RUNX3: variants seen among roughly 807,000 people sequenced by gnomAD.
RUNX3 encodes RUNX family transcription factor 3.
In RUNX3, 10 loss-of-function variants were observed where a neutral mutation model predicts 27.7. That is an observed-to-expected ratio of 0.36 (90% CI 0.22 to 0.61). The LOEUF is 0.61. Among genes scored for constraint, RUNX3 ranks in the 20% least tolerant of loss-of-function variants. The pLI, the probability that RUNX3 is intolerant of heterozygous loss-of-function variation, is 0.72. For missense variants in RUNX3, 469 were observed against 629.5 expected (o/e 0.75, Z 2.73); for synonymous variants, 270 against 269.2 (o/e 1.00, Z -0.03).
intron 2 of RUNX3, among the ~76,000 whole-genome samples, chr1:24,954,554 A>G (rs1641864524): frequency 6.6e-6 from 1 of 152,080 alleles, no homozygotes; most frequent in South Asian, 2.1e-4. Context: ...TGAAATTCTT[A>G]CTGATTTTTG....
In RUNX3 at chr1:24,907,891, G is replaced by A. The variant is rs562041474; in HGVS notation, c.545-474C>T. ...TGTGATGTAAACCTCTACAACACGC[G>A]GTGATCTAAACCTCTACAACACACT... On this transcript the variant is annotated intron_variant, in intron 3 of 4. Coordinates refer to ENST00000308873, the MANE Select transcript of RUNX3 (RefSeq NM_004350.3). Among the ~76,000 whole-genome samples, 13 of 150,246 alleles carry A rather than the reference G, an allele frequency of 8.7e-5. 1 individual carries two copies. In the South Asian group the frequency reaches 1.7e-3, roughly 20 times the overall value.
At chr1:24,953,747 G>A (rs975741042) in intron 2 of RUNX3, among the ~76,000 whole-genome samples, 1 of 152,118 alleles carries the variant, frequency 6.6e-6, no homozygotes, top group African/African-American at 2.4e-5. Flanking sequence ...ACTTTTTTAG[G>A]GCCAACATGG....
At chr1:24,957,799 A>G (rs1430789036) in intron 2 of RUNX3, among the ~76,000 whole-genome samples, 2 of 152,214 alleles carry the variant, frequency 1.3e-5, no homozygotes, top group Admixed American at 6.5e-5. Flanking sequence ...TCCATTTTAC[A>G]GGTAAGAAAA....
chr1:24,921,055 G>A (rs889511786), intron 2 of RUNX3, among the ~76,000 whole-genome samples: 7 of 152,230 alleles, frequency 4.6e-5, no homozygotes, highest in East Asian at 1.9e-4. Context: ...CAATGGTCTC[G>A]CACTCTCACC....
At chr1:24,905,119 TAAC>T (rs1330335590) in intron 4 of RUNX3, among the ~76,000 whole-genome samples, 2 of 151,960 alleles carry the variant, frequency 1.3e-5, no homozygotes, top group African/African-American at 4.8e-5. Flanking sequence ...TCAAAGCACT[TAAC>T]AGGCACCGAG....
chr1:24,964,819 T>A, intron 1 of RUNX3: 2 of 1,004,230 alleles, frequency 2.0e-6, no homozygotes, highest in Non-Finnish European at 2.8e-6. Context: ...CCAAGGAAAG[T>A]AAGTTTCTGT....
chr1:24,922,537 T>C (rs1247514051), intron 2 of RUNX3, among the ~76,000 whole-genome samples: 2 of 152,150 alleles, frequency 1.3e-5, no homozygotes, highest in African/African-American at 2.4e-5. Context: ...TTGCTGCAGA[T>C]TGCTCTAAAT....
rs936319869 is a variant in RUNX3, at chr1:24,904,723, C to G, written c.704-2057G>C. Among the ~76,000 whole-genome samples the G allele has an allele frequency of 4.6e-5, 7 of 152,100 alleles. No homozygotes were observed. Among genetic ancestry groups the G allele is most frequent in the Admixed American group, 1.3e-4 (2 of 15,282 alleles). On this transcript the variant is annotated intron_variant, in intron 4 of 4. Transcript: ENST00000308873. The surrounding 1 kb of genome is among the most constrained non-coding windows in gnomAD (Gnocchi z 5.7). ...CTCACGCGGGCTGCAGGGCGCTGGG[C>G]TGGGCCTCCCTGGACCTGCCACCAT...
intron 2 of RUNX3, among the ~76,000 whole-genome samples, chr1:24,926,711 AG>A (rs1268909572): frequency 3.9e-5 from 6 of 152,168 alleles, no homozygotes; most frequent in Non-Finnish European, 8.8e-5. Context: ...TGGGGAGCAG[AG>A]GGAACCCAGC....
rs374576964 is a variant in RUNX3 at position 24,902,827 on chromosome 1, C to G, written c.704-161G>C. 1.1e-3 allele frequency among the ~76,000 whole-genome samples: 172 copies of G among 152,266 alleles called. No individual in the cohort carries two copies. Among genetic ancestry groups the G allele is most frequent in the Non-Finnish European group, 1.2e-3 (84 of 68,002 alleles). ...GCCCTAGGCTGCCCGGGGCCTCCCC[C>G]GCCAGGACTCCGAACACAGACCTGC... is the stretch of plus-strand genomic sequence containing the variant. On this transcript the variant is annotated intron_variant, in intron 4 of 4. Coordinates refer to ENST00000308873, the MANE Select transcript of RUNX3 (RefSeq NM_004350.3). This position sits in a 1 kb window ranked among gnomAD's most constrained non-coding sequence, Gnocchi z 9.2.
rs926240296 is a variant in RUNX3 at position 24,902,390 on chromosome 1, G to A, written c.980C>T (p.Pro327Leu). 28 of 1,612,576 alleles carry A rather than the reference G, an allele frequency of 1.7e-5. No individual in the cohort carries two copies. Among genetic ancestry groups the A allele is most frequent in the African/African-American group, 2.7e-5 (2 of 74,934 alleles). ...QNQSGPFQAN[P>L]SPYHLYYGTS... ...CCCGTAGTAGAGGTGGTAGGGGGAC[G>A]GGTTGGCCTGGAAGGGCCCGCTCTG... Residue 327 changes from proline to leucine, a missense_variant, in exon 5 of 5, where the codon CCG (proline) becomes CTG (leucine). Physicochemically the swap from Pro to Leu is moderately conservative, Grantham distance 98. Around this residue, in one of 3 missense-constraint regions of RUNX3, gnomAD observed 279 missense variants for 343.0 expected, o/e 0.81. Transcript: ENST00000308873. The surrounding 1 kb of genome is among the most constrained non-coding windows in gnomAD (Gnocchi z 9.2).
chr1:24,964,340 C>T (rs1380205544), intron 2 of RUNX3, among the ~76,000 whole-genome samples: 1 of 152,230 alleles, frequency 6.6e-6, no homozygotes, highest in Non-Finnish European at 1.5e-5. Flanking sequence ...CGATGTTCCA[C>T]GCCAAGAGAC....
At chr1:24,964,213 T>G (rs918358958) in intron 2 of RUNX3, among the ~76,000 whole-genome samples, 4 of 152,000 alleles carry the variant, frequency 2.6e-5, no homozygotes, top group Non-Finnish European at 4.4e-5. Flanking sequence ...AAGCCGAGGG[T>G]CCCTGAGAGT....
intron 3 of RUNX3, among the ~76,000 whole-genome samples, chr1:24,918,748 C>T (rs1640937253): frequency 1.3e-5 from 2 of 152,114 alleles, no homozygotes; most frequent in South Asian, 4.2e-4. Flanking sequence ...GTCTGGGTGC[C>T]CGGACTCTGG....
At chr1:24,940,366 C>T (rs1038596214) in intron 2 of RUNX3, among the ~76,000 whole-genome samples, 1 of 152,272 alleles carries the variant, frequency 6.6e-6, no homozygotes, top group Middle Eastern at 3.4e-3. Flanking sequence ...GCCAATCATC[C>T]GTGATTCAGA....
chr1:24,924,774 T>C (rs1172050495), intron 2 of RUNX3, among the ~76,000 whole-genome samples: 1 of 152,256 alleles, frequency 6.6e-6, no homozygotes. Flanking sequence ...TCATTATTTA[T>C]ACATTTCAAC....
intron 1 of RUNX3, chr1:24,964,739 CCTG>C: frequency 6.9e-7 from 1 of 1,446,842 alleles, no homozygotes; most frequent in Non-Finnish European, 9.1e-7. Flanking sequence ...TTTTTTCCCC[CCTG>C]CTGCTACGAA....
At chr1:24,956,241 G>A (rs2124376969) in intron 2 of RUNX3, among the ~76,000 whole-genome samples, 2 of 152,354 alleles carry the variant, frequency 1.3e-5, no homozygotes, top group Non-Finnish European at 2.9e-5. Flanking sequence ...CAGCTTGCCT[G>A]TTCCTGGGAG....
chr1:24,901,045 T>TG lies in RUNX3; in HGVS notation c.*1076_*1077insC, dbSNP rs1248157431. On this transcript the variant is annotated 3_prime_UTR_variant, in exon 5 of 5. Transcript: ENST00000308873. ...TTTTTTTTGTTTTTTTGTTTTTTTT[T>TG]TTTTTTTGCTCAGGACTATTTGCTT... 1.3e-5 allele frequency: 2 copies of TG among 148,786 alleles called. No homozygotes were observed. Among genetic ancestry groups the TG allele is most frequent in the Non-Finnish European group, 3.0e-5 (2 of 67,286 alleles). The allele number at this position is 148,786 out of a possible 1,614,324, so 9.2% of individuals were successfully genotyped here. A position where few individuals can be genotyped will look rare whatever the true frequency, so the allele number is the denominator to read the frequency against.
Sources: allele counts gnomAD v4.1 joint callset (sites outside exome capture counted in the v4.1 genomes callset), GRCh38; gene constraint gnomAD v4.1.1; regional missense constraint gnomAD v4.1.1; non-coding constraint Gnocchi (gnomAD v3.1); transcripts MANE v1.5; gene names NCBI Gene and HGNC (gene_info 2026-07-23, HGNC 2026-07-21).